EPHA5: variants seen among roughly 807,000 people sequenced by gnomAD.
EPHA5 encodes the protein EPH receptor A5, also known as ephrin type-A receptor 5.
Under a neutral mutation model 105.0 loss-of-function variants are expected in EPHA5, and 60 were observed. The observed-to-expected ratio is 0.57, with a 90% confidence interval of 0.46 to 0.71. The LOEUF (loss-of-function observed/expected upper bound fraction) is 0.71, where lower values mean the gene tolerates loss of function less well. Ranked by LOEUF, EPHA5 falls within the 30% of genes least tolerant of loss-of-function variation. EPHA5 has a pLI of 0.00. For missense variants in EPHA5, 1,218 were observed against 1,274.7 expected (o/e 0.96, Z 0.68); for synonymous variants, 513 against 449.1 (o/e 1.14, Z -1.80).
rs1002736354 is a variant in EPHA5 at position 65,320,214 on chromosome 4, C to T, written c.*3900G>A. 4.4e-6 allele frequency: 1 copy of T among 229,606 alleles called. No individual in the cohort carries two copies. Among genetic ancestry groups the T allele is most frequent in the East Asian group, 6.2e-5 (1 of 16,210 alleles). 14.2% of individuals were successfully genotyped at this position (229,606 alleles called of 1,614,324 possible). A position where few individuals can be genotyped will look rare whatever the true frequency, so the allele number is the denominator to read the frequency against. On this transcript the variant is annotated 3_prime_UTR_variant, in exon 17 of 17. Transcript: ENST00000613740. ...ATACATTACTATATAATTAACAGCA[C>T]AATAGAGAAAATTATTCAATGTAAA...
At chr4:65,652,131 T>G (rs1748665392) in intron 1 of EPHA5, among the ~76,000 whole-genome samples, 1 of 152,180 alleles carries the variant, frequency 6.6e-6, no homozygotes, top group Non-Finnish European at 1.5e-5. Flanking sequence ...ATACTTCACA[T>G]AAAGCAGCTT....
At chr4:65,373,220 G>T (rs1292662823) in intron 8 of EPHA5, among the ~76,000 whole-genome samples, 1 of 151,802 alleles carries the variant, frequency 6.6e-6, no homozygotes, top group African/African-American at 2.4e-5. Flanking sequence ...ATAGTTTGGA[G>T]CAGTTCGTGA....
At chr4:65,399,898 A>G (rs377051151) in intron 8 of EPHA5, among the ~76,000 whole-genome samples, 10 of 152,172 alleles carry the variant, frequency 6.6e-5, no homozygotes, top group African/African-American at 2.2e-4. Flanking sequence ...ATAAACTAAA[A>G]GATGTTTTCC....
intron 5 of EPHA5, among the ~76,000 whole-genome samples, chr4:65,454,743 T>G (rs1254498740): frequency 6.6e-6 from 1 of 152,184 alleles, no homozygotes; most frequent in East Asian, 1.9e-4. Flanking sequence ...AGTTTAAAAC[T>G]TTAAAGCACA....
At chr4:65,512,584 C>G (rs542170614) in intron 3 of EPHA5, among the ~76,000 whole-genome samples, 1 of 152,078 alleles carries the variant, frequency 6.6e-6, no homozygotes, top group Non-Finnish European at 1.5e-5. Context: ...CTATGGCCAT[C>G]TGAAGTGCCG....
In EPHA5 at chr4:65,514,814, G is replaced by A. The variant is rs531870486; in HGVS notation, c.911-19271C>T. The stretch of plus-strand genomic sequence containing the variant: ...TCACTCCTCTAATACTTTAACTCCT[G>A]GCTATTCCTGCAATAATTCTTGGTA... On this transcript the variant is annotated intron_variant, in intron 3 of 16. Coordinates refer to ENST00000613740, the MANE Select transcript of EPHA5 (RefSeq NM_001281766.3). 4.6e-5 allele frequency among the ~76,000 whole-genome samples: 7 copies of A among 152,080 alleles called. No homozygotes were observed. In the South Asian group the frequency reaches 1.2e-3, roughly 27 times the overall value.
intron 3 of EPHA5, among the ~76,000 whole-genome samples, chr4:65,520,323 A>G (rs1734562914): frequency 6.6e-6 from 1 of 152,198 alleles, no homozygotes. Context: ...CTGCCTAGCC[A>G]TATGTCGAAA....
At chr4:65,341,339 G>A (rs980172155) in intron 14 of EPHA5, among the ~76,000 whole-genome samples, 8 of 152,082 alleles carry the variant, frequency 5.3e-5, no homozygotes, top group South Asian at 4.1e-4. Flanking sequence ...CACAAATTAA[G>A]TATTTTTGTC....
intron 7 of EPHA5, among the ~76,000 whole-genome samples, chr4:65,412,407 C>T (rs1722995156): frequency 6.6e-6 from 1 of 152,012 alleles, no homozygotes; most frequent in Non-Finnish European, 1.5e-5. Flanking sequence ...GTTCAATAAA[C>T]TATTGTTGTT....
At chr4:65,396,254 G>A (rs1047854016) in intron 8 of EPHA5, among the ~76,000 whole-genome samples, 1 of 152,202 alleles carries the variant, frequency 6.6e-6, no homozygotes, top group African/African-American at 2.4e-5. Context: ...CTGCTACCTA[G>A]ATATTGATTA....
intron 6 of EPHA5, among the ~76,000 whole-genome samples, chr4:65,419,104 C>A (rs546915609): frequency 6.6e-6 from 1 of 151,690 alleles, no homozygotes; most frequent in East Asian, 2.0e-4. Flanking sequence ...AGGCTGGTCT[C>A]GAACTACTGA....
chr4:65,612,352 A>G (rs1744858587), intron 2 of EPHA5, among the ~76,000 whole-genome samples: 1 of 152,094 alleles, frequency 6.6e-6, no homozygotes, highest in African/African-American at 2.4e-5. Flanking sequence ...CGAGTTTCCA[A>G]AACTTATTAT....
chr4:65,469,872 A>T (rs978783138), intron 5 of EPHA5, among the ~76,000 whole-genome samples: 19 of 152,180 alleles, frequency 1.2e-4, no homozygotes, highest in Non-Finnish European at 2.2e-4. Context: ...AGTAAGAAAA[A>T]ACATGTATAC....
chr4:65,628,235 G>C (rs1163402786), intron 2 of EPHA5, among the ~76,000 whole-genome samples: 1 of 151,944 alleles, frequency 6.6e-6, no homozygotes, highest in Admixed American at 6.6e-5. Flanking sequence ...TGAAAATGTG[G>C]GGAGTCTTCA....
intron 3 of EPHA5, among the ~76,000 whole-genome samples, chr4:65,591,171 C>T (rs1409836797): frequency 6.6e-6 from 1 of 151,896 alleles, no homozygotes; most frequent in African/African-American, 2.4e-5. Context: ...AAAAGTTTTC[C>T]GTTTTCCACA....
At chr4:65,484,847 T>G (rs1307504199) in intron 5 of EPHA5, among the ~76,000 whole-genome samples, 1 of 151,302 alleles carries the variant, frequency 6.6e-6, no homozygotes, top group Non-Finnish European at 1.5e-5. Flanking sequence ...TCAGAGTAAC[T>G]GTTTTTAACA....
intron 8 of EPHA5, among the ~76,000 whole-genome samples, chr4:65,371,184 A>G (rs1324711924): frequency 2.0e-5 from 3 of 152,096 alleles, no homozygotes; most frequent in Non-Finnish European, 4.4e-5. Flanking sequence ...AAACATCTGT[A>G]GTGTCTGTAT....
At chr4:65,468,844 T>C (rs1729015281) in intron 5 of EPHA5, among the ~76,000 whole-genome samples, 1 of 151,390 alleles carries the variant, frequency 6.6e-6, no homozygotes, top group African/African-American at 2.4e-5. Context: ...CAAGAAAACA[T>C]GCTAAGATTT....
At position 65,633,959 on chromosome 4, in the gene EPHA5, T is replaced by C. The variant is rs188183538; in HGVS notation, c.246+9404A>G. On this transcript the variant is annotated intron_variant, in intron 2 of 16. Transcript: ENST00000613740. Reference sequence around the variant, plus strand: ...TAACACACCTGTACACGTTGTAATCTGGAGCAAAAACATTAGATAGAGGTT... The same window carrying C: ...TAACACACCTGTACACGTTGTAATCCGGAGCAAAAACATTAGATAGAGGTT... Among the ~76,000 whole-genome samples, 14 of 152,188 alleles carry C rather than the reference T, an allele frequency of 9.2e-5. No homozygotes were observed. In the East Asian group the frequency reaches 2.7e-3, roughly 29 times the overall value.
Sources: gnomAD v4.1 joint callset for allele counts (sites outside exome capture counted in the v4.1 genomes callset) on GRCh38, gnomAD v4.1.1 for gene constraint, MANE v1.5 for transcripts, NCBI Gene and HGNC (gene_info 2026-07-23, HGNC 2026-07-21) for gene names.